Variants in CDC73 observed in about 807,000 individuals in gnomAD.
The protein encoded by CDC73 is cell division cycle 73, also known as parafibromin.
Under a neutral mutation model 83.7 loss-of-function variants are expected in CDC73, and 21 were observed. The observed-to-expected ratio is 0.25, with a 90% confidence interval of 0.18 to 0.36. The LOEUF is 0.36. CDC73 is among the 10% of genes least tolerant of loss of function. The pLI, the probability that CDC73 is intolerant of heterozygous loss-of-function variation, is 1.00. For missense variants in CDC73, 342 were observed against 653.3 expected (o/e 0.52, Z 5.19); for synonymous variants, 224 against 212.9 (o/e 1.05, Z -0.45).
chr1:193,127,288 A>ATGTGT lies in CDC73; in HGVS notation c.237+2071_237+2072insTGTGT, dbSNP rs747114430. ...GACTCTGTCTCAGGGAAAAAAAAAA[A>ATGTGT]ATGTGTGTGTGTGTGTGTGTGTGTG... On this transcript the variant is annotated intron_variant, in intron 2 of 16. Coordinates refer to ENST00000367435, the MANE Select transcript of CDC73 (RefSeq NM_024529.5). Among the ~76,000 whole-genome samples, 6 of 68,170 alleles carry ATGTGT rather than the reference A, an allele frequency of 8.8e-5. No homozygotes were observed. In the South Asian group the frequency reaches 2.1e-3, roughly 23 times the overall value. 44.7% of individuals were successfully genotyped at this position (68,170 alleles called of 152,430 possible). A position where few individuals can be genotyped will look rare whatever the true frequency, so the allele number is the denominator to read the frequency against.
At position 193,122,302 on chromosome 1, in the gene CDC73, G is replaced by A. The variant is rs570083294; in HGVS notation, c.102G>A (p.Lys34=). 11 of 1,614,194 alleles carry A rather than the reference G, an allele frequency of 6.8e-6. No individual in the cohort carries two copies. In the South Asian group the frequency reaches 1.2e-4, roughly 18 times the overall value. Residue 34 remains lysine, a synonymous_variant, in exon 1 of 17, where the codon AAG becomes AAA. Coordinates refer to ENST00000367435, the MANE Select transcript of CDC73 (RefSeq NM_024529.5). The stretch of plus-strand genomic sequence containing the variant: ...TCTTCGGGGAGTTCTCCTGGCCCAA[G>A]AATGTGAAGACCAACTATGTTGTTT... The part of the protein sequence containing the change: ...EVIFGEFSWP[K]NVKTNYVVWG...
At position 193,135,370 on chromosome 1, in the gene CDC73, T is replaced by C. The variant is rs754491728; in HGVS notation, c.308-21T>C. On this transcript the variant is annotated intron_variant, in intron 3 of 16. Transcript: ENST00000367435. ...ATATGTTGAAATAGTAATCCTTACG[T>C]GAATCTTTTTATGTCTTCAGCAACA... 2.5e-6 allele frequency: 4 copies of C among 1,596,336 alleles called. No individual in the cohort carries two copies. The South Asian group carries it at 4.4e-5, about 18-fold the overall frequency.
intron 10 of CDC73, among the ~76,000 whole-genome samples, chr1:193,174,995 T>G (rs888974919): frequency 6.6e-6 from 1 of 152,252 alleles, no homozygotes; most frequent in Non-Finnish European, 1.5e-5. Context: ...TGTTTTTTTC[T>G]TTTAAATAAG....
intron 13 of CDC73, among the ~76,000 whole-genome samples, chr1:193,217,934 G>T (rs1268138669): frequency 6.6e-6 from 1 of 152,066 alleles, no homozygotes; most frequent in African/African-American, 2.4e-5. Flanking sequence ...GACAAAGAAA[G>T]AAATAAAAGG....
chr1:193,245,558 C>G (rs184519313), intron 15 of CDC73, among the ~76,000 whole-genome samples: 1 of 152,060 alleles, frequency 6.6e-6, no homozygotes, highest in African/African-American at 2.4e-5. Context: ...CATATCTTTG[C>G]TGTTGTTAAT....
At chr1:193,201,140 C>A (rs957740684) in intron 10 of CDC73, among the ~76,000 whole-genome samples, 1 of 152,010 alleles carries the variant, frequency 6.6e-6, no homozygotes, top group Non-Finnish European at 1.5e-5. Flanking sequence ...ACTGTACTGA[C>A]CTTGGCAACT....
chr1:193,226,461 T>C (rs954078040), intron 13 of CDC73, among the ~76,000 whole-genome samples: 2 of 152,198 alleles, frequency 1.3e-5, no homozygotes, highest in Admixed American at 1.3e-4. Context: ...GGGTTTGTCA[T>C]AGATGACTTT....
At chr1:193,191,535 G>A (rs1339416284) in intron 10 of CDC73, among the ~76,000 whole-genome samples, 1 of 152,024 alleles carries the variant, frequency 6.6e-6, no homozygotes, top group African/African-American at 2.4e-5. Context: ...TTACAGGCGT[G>A]TGCCACCACA....
At chr1:193,179,539 T>G (rs1169298097) in intron 10 of CDC73, 2 of 152,620 alleles carry the variant, frequency 1.3e-5, no homozygotes, top group African/African-American at 4.8e-5. Context: ...AGGAGTTTGG[T>G]TCTTAACATC....
intron 15 of CDC73, 139 bp downstream of exon 15, chr1:193,236,495 T>C: frequency 1.5e-6 from 1 of 669,892 alleles, no homozygotes; most frequent in Non-Finnish European, 2.7e-6. Flanking sequence ...TGTTTAAGCA[T>C]CTGTGACATA....
intron 13 of CDC73, among the ~76,000 whole-genome samples, chr1:193,217,730 G>A (rs189575600): frequency 1.3e-3 from 203 of 152,250 alleles, no homozygotes; most frequent in Admixed American, 2.4e-3. Flanking sequence ...CTTGGAAAAT[G>A]GAACATTTGG....
intron 10 of CDC73, among the ~76,000 whole-genome samples, chr1:193,187,485 G>A (rs909669446): frequency 1.3e-4 from 20 of 152,112 alleles, no homozygotes; most frequent in Non-Finnish European, 2.9e-4. Flanking sequence ...GTTAGTTTCT[G>A]GGGCTGGCAC....
chr1:193,197,994 G>A (rs780626631), intron 10 of CDC73, among the ~76,000 whole-genome samples: 6 of 150,606 alleles, frequency 4.0e-5, no homozygotes, highest in Non-Finnish European at 7.4e-5. Flanking sequence ...TAATAATCCT[G>A]TGTGACAGTT....
chr1:193,189,033 A>T (rs372028518), intron 10 of CDC73, among the ~76,000 whole-genome samples: 67 of 150,422 alleles, frequency 4.5e-4, no homozygotes, highest in African/African-American at 1.6e-3. Context: ...GTCTCACTGC[A>T]ACCTCTGCTT....
chr1:193,161,252 A>G (rs1676303548), intron 10 of CDC73: 1 of 176,236 alleles, frequency 5.7e-6, no homozygotes, highest in Non-Finnish European at 1.2e-5. Context: ...TTGCTTCTGG[A>G]CTGGACAAAT....
At chr1:193,139,583 T>G (rs566935116) in intron 6 of CDC73, among the ~76,000 whole-genome samples, 4 of 152,344 alleles carry the variant, frequency 2.6e-5, no homozygotes, top group South Asian at 2.1e-4. Flanking sequence ...CATGTCTGCT[T>G]TATTACATTT....
At chr1:193,213,128 C>T (rs1465959668) in intron 13 of CDC73, among the ~76,000 whole-genome samples, 1 of 151,398 alleles carries the variant, frequency 6.6e-6, no homozygotes, top group Non-Finnish European at 1.5e-5. Flanking sequence ...CATAGCATTT[C>T]TTCTATTAAT....
intron 9 of CDC73, among the ~76,000 whole-genome samples, chr1:193,152,145 G>C (rs1056835812): frequency 2.0e-5 from 3 of 152,038 alleles, no homozygotes; most frequent in African/African-American, 7.2e-5. Context: ...GTCTTAACCA[G>C]CTTCTATACA....
chr1:193,238,411 A>C (rs1035730334), intron 15 of CDC73, among the ~76,000 whole-genome samples: 20 of 152,156 alleles, frequency 1.3e-4, no homozygotes, highest in African/African-American at 4.8e-4. Context: ...TCTGTACTAA[A>C]GCTGTTTTCA....
Sources: allele counts gnomAD v4.1 joint callset (sites outside exome capture counted in the v4.1 genomes callset), GRCh38; gene constraint gnomAD v4.1.1; transcripts MANE v1.5; gene names NCBI Gene and HGNC (gene_info 2026-07-23, HGNC 2026-07-21).